The following EFCAB6 variants were observed in gnomAD, a reference collection of about 807,000 sequenced individuals.
The protein encoded by EFCAB6 is EF-hand calcium-binding domain-containing protein 6.
A neutral mutation model predicts 169.8 loss-of-function variants in EFCAB6; 156 were observed. That is an observed-to-expected ratio of 0.92 (90% CI 0.81 to 1.05). EFCAB6 has a LOEUF of 1.05. Among genes scored for constraint, EFCAB6 ranks in the 50% least tolerant of loss-of-function variants. The pLI, the probability that EFCAB6 is intolerant of heterozygous loss-of-function variation, is 0.00. For missense variants in EFCAB6, 1,800 were observed against 1,829.1 expected, an observed-to-expected ratio of 0.98 and a Z score of 0.29; for synonymous variants, 698 against 676.4, an observed-to-expected ratio of 1.03 and a Z score of -0.50.
At chr22:43,730,472 A>AT (rs2059908232) in intron 8 of EFCAB6, among the ~76,000 whole-genome samples, 1 of 151,580 alleles carries the variant, frequency 6.6e-6, no homozygotes, top group South Asian at 2.1e-4. Flanking sequence ...TATATCCAAG[A>AT]TATAGAGGCA....
intron 17 of EFCAB6, among the ~76,000 whole-genome samples, chr22:43,648,009 G>A (rs2056271469): frequency 6.6e-6 from 1 of 152,056 alleles, no homozygotes; most frequent in African/African-American, 2.4e-5. Context: ...TGTTATAACT[G>A]CCCTAGGAAA....
At chr22:43,589,280 CAAAAAAAAAAAAAAAAAAAAAAAAAA>C (rs1163346832) in intron 24 of EFCAB6, among the ~76,000 whole-genome samples, 1 of 80,934 alleles carries the variant, frequency 1.2e-5, no homozygotes, top group Admixed American at 1.0e-4. Context: ...GACTTCATGT[CAAAAAAAAAAAAAAAAAAAAAAAAAA>C]AAAAAAAAAA....
chr22:43,626,734 A>C, intron 19 of EFCAB6, 55 bp from the exon 20 acceptor site: 1 of 1,548,926 alleles, frequency 6.5e-7, no homozygotes, highest in Non-Finnish European at 8.9e-7. Flanking sequence ...GGACGGCCAC[A>C]CATGCACACC....
At chr22:43,714,737 A>G (rs1336539091) in intron 9 of EFCAB6, among the ~76,000 whole-genome samples, 1 of 152,240 alleles carries the variant, frequency 6.6e-6, no homozygotes, top group Non-Finnish European at 1.5e-5. Flanking sequence ...AGCAAAAGGC[A>G]CATAGTTTCA....
chr22:43,709,197 T>C (rs2059068782), intron 10 of EFCAB6, among the ~76,000 whole-genome samples: 1 of 152,174 alleles, frequency 6.6e-6, no homozygotes, highest in African/African-American at 2.4e-5. Context: ...TTCTCCTGCC[T>C]CAGCCTCCCA....
intron 26 of EFCAB6, among the ~76,000 whole-genome samples, chr22:43,573,732 C>CAAAA (rs748024357): frequency 3.5e-4 from 30 of 85,232 alleles, no homozygotes; most frequent in South Asian, 8.3e-4. Context: ...TCTGTCTCAA[C>CAAAA]AAAAAAAAAA....
At chr22:43,554,667 C>T (rs931702973) in intron 27 of EFCAB6, 3 of 591,238 alleles carry the variant, frequency 5.1e-6, no homozygotes, top group African/African-American at 3.7e-5. Flanking sequence ...AGTATTTGTA[C>T]CCTGATGAAA....
Position 43,534,686 on chromosome 22 carries a change from A to G in EFCAB6, c.4233+2T>C, listed in dbSNP as rs762293276. 3 of 1,594,134 alleles carry G rather than the reference A, an allele frequency of 1.9e-6. No individual in the cohort carries two copies. The highest frequency in any genetic ancestry group is 4.5e-5 in the East Asian group (2 of 44,464). ...CACATTTCCTGCAGGTGGGCAACATACCATCTTGTGTGCATTCTGGATCTT... is the reference window on the plus strand; with the variant it reads ...CACATTTCCTGCAGGTGGGCAACATGCCATCTTGTGTGCATTCTGGATCTT... On this transcript the variant is annotated splice_donor_variant, in intron 30 of 31. Coordinates refer to ENST00000262726, the MANE Select transcript of EFCAB6 (RefSeq NM_022785.4). LOFTEE classifies it high-confidence loss of function.
intron 10 of EFCAB6, among the ~76,000 whole-genome samples, chr22:43,692,289 A>G (rs967051904): frequency 2.6e-5 from 4 of 152,342 alleles, no homozygotes; most frequent in Non-Finnish European, 5.9e-5. Context: ...TTAGAAAAAA[A>G]TAACTGAATT....
rs879914405 is a variant in EFCAB6 at position 43,605,640 on chromosome 22, C to CA, written c.2681+2841dup. 2.0e-3 allele frequency among the ~76,000 whole-genome samples: 281 copies of CA among 143,546 alleles called. 1 individual carries two copies. The highest frequency in any genetic ancestry group is 4.6e-3 in the African/African-American group (179 of 39,060). The allele number at this position is 143,546 out of a possible 152,430, so 94.2% of individuals were successfully genotyped here. A position where few individuals can be genotyped will look rare whatever the true frequency, so the allele number is the denominator to read the frequency against. ...GCCCAGTGACAGAGTGAGACTCTGT[C>CA]AAAAAAAAAAAATCTCAGTTTCACA... On this transcript the variant is annotated intron_variant, in intron 22 of 31. Coordinates refer to ENST00000262726, the MANE Select transcript of EFCAB6 (RefSeq NM_022785.4).
rs142965249 is a variant in EFCAB6, at chr22:43,687,488, G to C, written c.1125C>G (p.Pro375=). 67 of 1,514,888 alleles carry C rather than the reference G, an allele frequency of 4.4e-5. No homozygotes were observed. Among genetic ancestry groups the C allele is most frequent in the Non-Finnish European group, 5.5e-5 (62 of 1,130,038 alleles). 93.8% of individuals were successfully genotyped at this position (1,514,888 alleles called of 1,614,324 possible). A position where few individuals can be genotyped will look rare whatever the true frequency, so the allele number is the denominator to read the frequency against. Residue 375 remains proline (P), a synonymous_variant, in exon 11 of 32, where the codon CCC becomes CCG. Coordinates refer to ENST00000262726, the MANE Select transcript of EFCAB6 (RefSeq NM_022785.4). The part of the protein sequence containing the change: ...PQGLQVSSKG[P]LTKRNSINSR... ...TTACATACCTATTTCTTTTTGTCAG[G>C]GGACCTTTACTGCTAACTTGCAACC...
At chr22:43,784,609 A>ATG (rs375508858) in intron 2 of EFCAB6, among the ~76,000 whole-genome samples, 7 of 97,146 alleles carry the variant, frequency 7.2e-5, no homozygotes, top group Non-Finnish European at 1.3e-4. Context: ...ACACATATAT[A>ATG]TGTGTATATA....
chr22:43,649,478 A>G (rs867459893), intron 17 of EFCAB6, among the ~76,000 whole-genome samples: 23 of 152,236 alleles, frequency 1.5e-4, no homozygotes, highest in African/African-American at 5.1e-4. Context: ...TTAAAAAAGC[A>G]AATAGATAAC....
chr22:43,700,786 A>G (rs1173970940), intron 10 of EFCAB6, among the ~76,000 whole-genome samples: 1 of 152,194 alleles, frequency 6.6e-6, no homozygotes, highest in African/African-American at 2.4e-5. Context: ...CATGTTGTGC[A>G]TATCAACATG....
At chr22:43,784,406 T>C (rs2061935465) in intron 2 of EFCAB6, among the ~76,000 whole-genome samples, 1 of 149,940 alleles carries the variant, frequency 6.7e-6, no homozygotes, top group South Asian at 2.1e-4. Flanking sequence ...ATCTCAGTGC[T>C]TTGAGAGGCT....
chr22:43,656,424 T>C (rs1429359677), intron 17 of EFCAB6, among the ~76,000 whole-genome samples: 3 of 150,236 alleles, frequency 2.0e-5, no homozygotes, highest in Non-Finnish European at 3.0e-5. Context: ...TTAAAAACAA[T>C]GTGGTAAGGA....
intron 17 of EFCAB6, among the ~76,000 whole-genome samples, chr22:43,637,800 C>A (rs2055525915): frequency 6.6e-6 from 1 of 152,224 alleles, no homozygotes; most frequent in Non-Finnish European, 1.5e-5. Context: ...AAAGCCGTGG[C>A]CCCCGCAGAA....
chr22:43,593,301 T>C (rs1257369683), intron 23 of EFCAB6, among the ~76,000 whole-genome samples: 1 of 152,184 alleles, frequency 6.6e-6, no homozygotes, highest in African/African-American at 2.4e-5. Flanking sequence ...CTGAAATGCA[T>C]TGTGTCTTGC....
intron 17 of EFCAB6, among the ~76,000 whole-genome samples, chr22:43,655,064 C>G (rs2056668173): frequency 6.6e-6 from 1 of 152,116 alleles, no homozygotes; most frequent in Non-Finnish European, 1.5e-5. Context: ...TCGAGACCAG[C>G]CTGGCCAACA....
Sources: allele counts gnomAD v4.1 joint callset (sites outside exome capture counted in the v4.1 genomes callset), GRCh38; gene constraint gnomAD v4.1.1; transcripts MANE v1.5; gene names NCBI Gene and HGNC (gene_info 2026-07-23, HGNC 2026-07-21).